The following SPATS2L variants were observed in gnomAD, a reference collection of about 807,000 sequenced individuals.
SPATS2L encodes SPATS2-like protein.
Under a neutral mutation model 59.6 loss-of-function variants are expected in SPATS2L, and 30 were observed. The observed-to-expected ratio is 0.50, with a 90% confidence interval of 0.38 to 0.68. The LOEUF (loss-of-function observed/expected upper bound fraction) is 0.68. SPATS2L is among the 30% of genes least tolerant of loss of function. The probability of loss-of-function intolerance (pLI) is 0.00; values close to 1 mark genes in which losing one functional copy is unlikely to be tolerated. For synonymous variants in SPATS2L, 252 were observed against 263.5 expected (o/e 0.96, Z 0.42); for missense variants, 615 against 700.0 (o/e 0.88, Z 1.37).
chr2:200,350,489 T>G (rs1162815904), intron 2 of SPATS2L, among the ~76,000 whole-genome samples: 1 of 152,198 alleles, frequency 6.6e-6, no homozygotes, highest in Non-Finnish European at 1.5e-5. Context: ...ATTTAAATTT[T>G]TCTCTCAATG....
chr2:200,306,251 T>C (rs1304600517), upstream of SPATS2L: 1 of 1,002,272 alleles, frequency 1.0e-6, no homozygotes, highest in Non-Finnish European at 1.2e-6. Context: ...AAACATCTCG[T>C]ATTTGCAGAC....
At chr2:200,475,093 G>T (rs994324705) in intron 12 of SPATS2L, among the ~76,000 whole-genome samples, 1 of 152,186 alleles carries the variant, frequency 6.6e-6, no homozygotes, top group African/African-American at 2.4e-5. Context: ...ACACCCATCC[G>T]CTGGAAGGGT....
chr2:200,323,046 G>A (rs894047438), intron 1 of SPATS2L, among the ~76,000 whole-genome samples: 5 of 152,288 alleles, frequency 3.3e-5, no homozygotes, highest in African/African-American at 9.6e-5. Flanking sequence ...GGCCAAAAAG[G>A]CTTCAAATCT....
upstream of SPATS2L, chr2:200,306,362 C>G (rs1258331176): frequency 1.0e-5 from 10 of 1,001,986 alleles, no homozygotes; most frequent in South Asian, 1.4e-4. Context: ...AGGGGAGTTT[C>G]GGTGAAGTGG....
In SPATS2L at chr2:200,480,012, A is replaced by G. The variant is rs919867853; in HGVS notation, c.*1981A>G. 23 of 336,736 alleles carry G rather than the reference A, an allele frequency of 6.8e-5. No homozygotes were observed. Among genetic ancestry groups the G allele is most frequent in the Middle Eastern group, 7.8e-4 (1 of 1,276 alleles). 20.9% of individuals were successfully genotyped at this position (336,736 alleles called of 1,614,324 possible). A position where few individuals can be genotyped will look rare whatever the true frequency, so the allele number is the denominator to read the frequency against. ...ACCCCATCTGAGGCCCTGAATTCAT[A>G]TATTACAAGACGGAAGGATTTTGCA... On this transcript the variant is annotated 3_prime_UTR_variant, in exon 13 of 13. Transcript: ENST00000409140.
chr2:200,466,515 A>G (rs552335285), intron 9 of SPATS2L, among the ~76,000 whole-genome samples: 11 of 152,236 alleles, frequency 7.2e-5, no homozygotes, highest in South Asian at 2.1e-4. Flanking sequence ...TACTACATCT[A>G]TTTGAACCTT....
intron 9 of SPATS2L, 112 bp from the exon 10 acceptor site, chr2:200,467,178 C>T (rs2086660844): frequency 5.4e-6 from 4 of 745,898 alleles, no homozygotes; most frequent in Non-Finnish European, 9.0e-6. Context: ...AAAACACAGT[C>T]GTGGTCCAAC....
In SPATS2L at chr2:200,338,854, G is replaced by A. The variant is rs982477372; in HGVS notation, c.-23+9374G>A. The stretch of plus-strand genomic sequence containing the variant: ...GTCTCCCAAATGTGCACTGTCAGTC[G>A]CATAGGAAACCAGATGACCAAAAGA... On this transcript the variant is annotated intron_variant, in intron 2 of 12. Coordinates refer to ENST00000409140, the MANE Select transcript of SPATS2L (RefSeq NM_001100423.2). 3.3e-5 allele frequency among the ~76,000 whole-genome samples: 5 copies of A among 152,216 alleles called. No homozygotes were observed. The East Asian group carries it at 5.8e-4, about 18-fold the overall frequency.
At chr2:200,314,877 T>C (rs2079315528) in intron 1 of SPATS2L, among the ~76,000 whole-genome samples, 1 of 152,246 alleles carries the variant, frequency 6.6e-6, no homozygotes, top group South Asian at 2.1e-4. Flanking sequence ...ATTGTAATAT[T>C]GGTTACATGT....
At chr2:200,317,938 G>A (rs140845159) in intron 1 of SPATS2L, among the ~76,000 whole-genome samples, 52 of 152,250 alleles carry the variant, frequency 3.4e-4, no homozygotes, top group African/African-American at 1.2e-3. Flanking sequence ...GTGGGTGTTT[G>A]GGAAGTTCTT....
chr2:200,360,649 G>A (rs891242348), intron 2 of SPATS2L, among the ~76,000 whole-genome samples: 4 of 152,196 alleles, frequency 2.6e-5, no homozygotes, highest in Admixed American at 2.6e-4. Context: ...GAAGCAGGTG[G>A]CAGGTGGTCA....
At chr2:200,452,023 C>T (rs2085490888) in intron 8 of SPATS2L, among the ~76,000 whole-genome samples, 1 of 152,172 alleles carries the variant, frequency 6.6e-6, no homozygotes, top group Non-Finnish European at 1.5e-5. Flanking sequence ...GTCTTGAACT[C>T]CTGACCTGAG....
At chr2:200,351,937 A>G (rs1574469251) in intron 2 of SPATS2L, among the ~76,000 whole-genome samples, 1 of 151,956 alleles carries the variant, frequency 6.6e-6, no homozygotes. Context: ...GTTGCTTTCT[A>G]TTGCCTTTTA....
chr2:200,378,780 A>C (rs951012222), intron 2 of SPATS2L, among the ~76,000 whole-genome samples: 11 of 152,172 alleles, frequency 7.2e-5, no homozygotes, highest in Middle Eastern at 3.2e-3. Context: ...AGAGTTAGCT[A>C]TAAACACAGA....
intron 6 of SPATS2L, among the ~76,000 whole-genome samples, chr2:200,438,679 A>C (rs535616487): frequency 2.8e-4 from 43 of 152,302 alleles, no homozygotes; most frequent in African/African-American, 9.9e-4. Flanking sequence ...TCGGAATGAA[A>C]TATCACAAGA....
intron 3 of SPATS2L, among the ~76,000 whole-genome samples, chr2:200,403,541 A>G (rs1302132619): frequency 6.6e-6 from 1 of 152,126 alleles, no homozygotes; most frequent in Non-Finnish European, 1.5e-5. Flanking sequence ...ATTCTCTTTA[A>G]CATCTGTTCT....
At chr2:200,403,941 C>T (rs1026942274) in intron 3 of SPATS2L, among the ~76,000 whole-genome samples, 1 of 152,178 alleles carries the variant, frequency 6.6e-6, no homozygotes, top group Non-Finnish European at 1.5e-5. Context: ...GAATGGTTTC[C>T]ATAAATTTTC....
chr2:200,410,148 G>T (rs950780074), intron 3 of SPATS2L, among the ~76,000 whole-genome samples: 2 of 151,794 alleles, frequency 1.3e-5, no homozygotes, highest in Non-Finnish European at 2.9e-5. Flanking sequence ...GCCTGATGTG[G>T]TAATAATGAT....
chr2:200,479,456 GA>G lies in SPATS2L; in HGVS notation c.*1426del, dbSNP rs1411599610. The G allele has an allele frequency of 2.5e-6, 1 of 397,900 alleles. No homozygotes were observed. Among genetic ancestry groups the G allele is most frequent in the Non-Finnish European group, 4.4e-6 (1 of 226,062 alleles). The allele number at this position is 397,900 out of a possible 1,614,324, so 24.6% of individuals were successfully genotyped here. A position where few individuals can be genotyped will look rare whatever the true frequency, so the allele number is the denominator to read the frequency against. On this transcript the variant is annotated 3_prime_UTR_variant, in exon 13 of 13. Transcript: ENST00000409140. ...TGAAAGGGGGGAGAGAAGTGAATGGGATGAACTAATTTGCATAGACTAATTA... is the reference window on the plus strand; with the variant it reads ...TGAAAGGGGGGAGAGAAGTGAATGGGTGAACTAATTTGCATAGACTAATTA...
Sources: allele counts gnomAD v4.1 joint callset (sites outside exome capture counted in the v4.1 genomes callset), GRCh38; gene constraint gnomAD v4.1.1; transcripts MANE v1.5; gene names NCBI Gene and HGNC (gene_info 2026-07-23, HGNC 2026-07-21).